Variants in GMDS observed in about 807,000 individuals in gnomAD.
GMDS encodes the protein GDP-mannose 4,6-dehydratase, also known as GDP-mannose 4,6 dehydratase.
A neutral mutation model predicts 49.9 loss-of-function variants in GMDS; 20 were observed. That is an observed-to-expected ratio of 0.40 (90% CI 0.28 to 0.58). The LOEUF (loss-of-function observed/expected upper bound fraction) is 0.58, where lower values mean the gene tolerates loss of function less well. GMDS is among the 20% of genes least tolerant of loss of function. The pLI, the probability that GMDS is intolerant of heterozygous loss-of-function variation, is 0.42. For missense variants in GMDS, 362 were observed against 481.4 expected, an observed-to-expected ratio of 0.75 and a Z score of 2.32; for synonymous variants, 177 against 178.6, an observed-to-expected ratio of 0.99 and a Z score of 0.07.
chr6:1,851,091 A>G (rs1205478838), intron 7 of GMDS, among the ~76,000 whole-genome samples: 1 of 152,228 alleles, frequency 6.6e-6, no homozygotes, highest in Non-Finnish European at 1.5e-5. Flanking sequence ...TACGAGGTTA[A>G]GGACTTTGAG....
intron 1 of GMDS, among the ~76,000 whole-genome samples, chr6:2,137,868 A>AT (rs1776088621): frequency 6.6e-6 from 1 of 152,190 alleles, no homozygotes; most frequent in South Asian, 2.1e-4. Flanking sequence ...TAGACTGGAT[A>AT]ATTTTAACTA....
chr6:1,641,302 CTA>C (rs1354154044), intron 9 of GMDS, among the ~76,000 whole-genome samples: 1 of 152,230 alleles, frequency 6.6e-6, no homozygotes, highest in Non-Finnish European at 1.5e-5. Context: ...CAGGGACAAT[CTA>C]TGTCACTGTC....
chr6:1,697,941 G>A (rs1301299239), intron 9 of GMDS, among the ~76,000 whole-genome samples: 1 of 152,206 alleles, frequency 6.6e-6, no homozygotes, highest in Non-Finnish European at 1.5e-5. Flanking sequence ...GGCTGCGGAC[G>A]ATCAAGGTTA....
chr6:1,685,589 G>A lies in GMDS; in HGVS notation c.987+40827C>T, dbSNP rs371530368. Among the ~76,000 whole-genome samples the A allele has an allele frequency of 3.7e-4, 57 of 152,204 alleles. No individual in the cohort carries two copies. In the South Asian group the frequency reaches 7.7e-3, roughly 21 times the overall value. On this transcript the variant is annotated intron_variant, in intron 9 of 10. Coordinates refer to ENST00000380815, the MANE Select transcript of GMDS (RefSeq NM_001500.4). ...TCATGCCAACAATGACTATGCCAGC[G>A]TTTGCAGATTTATGCCCATGGATTC...
At chr6:2,018,799 A>C (rs1310618977) in intron 4 of GMDS, among the ~76,000 whole-genome samples, 4 of 152,144 alleles carry the variant, frequency 2.6e-5, no homozygotes, top group African/African-American at 9.7e-5. Flanking sequence ...GTGAACATTC[A>C]TGTACAGGTT....
chr6:2,099,671 T>C (rs1157909491), intron 4 of GMDS, among the ~76,000 whole-genome samples: 1 of 152,118 alleles, frequency 6.6e-6, no homozygotes, highest in Non-Finnish European at 1.5e-5. Flanking sequence ...CATTTAACTT[T>C]AATTTATACT....
chr6:1,959,864 G>C lies in GMDS; in HGVS notation c.643+3C>G. 6 of 1,517,586 alleles carry C rather than the reference G, an allele frequency of 4.0e-6. No homozygotes were observed. Among genetic ancestry groups the C allele is most frequent in the Non-Finnish European group, 5.4e-6 (6 of 1,104,646 alleles). The allele number at this position is 1,517,586 out of a possible 1,614,324, so 94.0% of individuals were successfully genotyped here. A position where few individuals can be genotyped will look rare whatever the true frequency, so the allele number is the denominator to read the frequency against. On this transcript the variant is annotated splice_donor_region_variant and intron_variant, in intron 6 of 10. Coordinates refer to ENST00000380815, the MANE Select transcript of GMDS (RefSeq NM_001500.4). ...TCTCTTTTCAGTTAATATATTTACTGACCTCTTCTGGGACTCTCATGATTG... is the reference window on the plus strand; with the variant it reads ...TCTCTTTTCAGTTAATATATTTACTCACCTCTTCTGGGACTCTCATGATTG...
intron 1 of GMDS, among the ~76,000 whole-genome samples, chr6:2,224,638 G>A (rs1235292058): frequency 1.3e-5 from 2 of 151,996 alleles, no homozygotes; most frequent in Non-Finnish European, 2.9e-5. Flanking sequence ...TTATGTCTCA[G>A]AGAAAAAAAA....
intron 7 of GMDS, among the ~76,000 whole-genome samples, chr6:1,847,942 A>G (rs1312843398): frequency 6.6e-6 from 1 of 152,134 alleles, no homozygotes; most frequent in African/African-American, 2.4e-5. Flanking sequence ...GATATATGAA[A>G]GAGAAGTATA....
intron 1 of GMDS, among the ~76,000 whole-genome samples, chr6:2,170,099 A>G (rs543692634): frequency 1.3e-5 from 2 of 152,122 alleles, no homozygotes; most frequent in African/African-American, 2.4e-5. Context: ...GCTACTCGGG[A>G]GCCTGAGGCA....
intron 4 of GMDS, among the ~76,000 whole-genome samples, chr6:1,963,721 T>C (rs2127301813): frequency 6.6e-6 from 1 of 152,268 alleles, no homozygotes; most frequent in East Asian, 1.9e-4. Flanking sequence ...AAACAGTGCA[T>C]TGAGAAGGCC....
chr6:2,223,847 G>A (rs1780704313), intron 1 of GMDS, among the ~76,000 whole-genome samples: 2 of 152,198 alleles, frequency 1.3e-5, no homozygotes, highest in Admixed American at 1.3e-4. Flanking sequence ...ATCTGGACTG[G>A]AGACAAGGCT....
intron 9 of GMDS, among the ~76,000 whole-genome samples, chr6:1,708,725 GCCTCTGGGCCTGGCTGGCGTT>G (rs1765834998): frequency 6.6e-6 from 1 of 152,250 alleles, no homozygotes; most frequent in South Asian, 2.1e-4. Context: ...AGCGCCGGGG[GCCTCTGGGCCTGGCTGGCGTT>G]CCTCTGAGTA....
At chr6:1,951,347 C>T (rs2628445) in intron 6 of GMDS, among the ~76,000 whole-genome samples, 37,218 of 151,906 alleles carry the variant, frequency 0.25, 5,928 homozygotes, top group African/African-American at 0.46. Flanking sequence ...CTTAAAAATG[C>T]CAGATTCTTT....
chr6:1,719,658 C>T (rs1165426990), intron 9 of GMDS, among the ~76,000 whole-genome samples: 2 of 149,942 alleles, frequency 1.3e-5, no homozygotes, highest in African/African-American at 2.5e-5. Flanking sequence ...TTTAGATTTC[C>T]GAATACAGAG....
rs1762768761 is a variant in GMDS, at chr6:1,624,043, GC to G, written c.*125del. On this transcript the variant is annotated 3_prime_UTR_variant, in exon 11 of 11. Transcript: ENST00000380815. ...GCCCCGCTCTTGCGGCCGGGACAGCGCAGCGGCAGCAGGGGCCGCAGGGGAC... is the reference window on the plus strand; with the variant it reads ...GCCCCGCTCTTGCGGCCGGGACAGCGAGCGGCAGCAGGGGCCGCAGGGGAC... The G allele has an allele frequency of 1.3e-6, 1 of 798,472 alleles. No individual in the cohort carries two copies. Among genetic ancestry groups the G allele is most frequent in the African/African-American group, 1.7e-5 (1 of 58,816 alleles). The allele number at this position is 798,472 out of a possible 1,614,324, so 49.5% of individuals were successfully genotyped here. A position where few individuals can be genotyped will look rare whatever the true frequency, so the allele number is the denominator to read the frequency against.
chr6:1,624,690 G>GT (rs1762791077), intron 9 of GMDS, 150 bp from the exon 10 acceptor site: 1 of 624,946 alleles, frequency 1.6e-6, no homozygotes, highest in Admixed American at 2.9e-5. Context: ...TGCGCGTTCA[G>GT]TTGCGGCTCT....
intron 4 of GMDS, among the ~76,000 whole-genome samples, chr6:2,029,563 G>A (rs902815938): frequency 3.9e-5 from 6 of 152,144 alleles, no homozygotes; most frequent in Non-Finnish European, 4.4e-5. Flanking sequence ...CTGCAGTCCA[G>A]CCCAACCTCT....
chr6:2,013,992 G>C (rs1409598439), intron 4 of GMDS, among the ~76,000 whole-genome samples: 1 of 141,632 alleles, frequency 7.1e-6, no homozygotes, highest in Non-Finnish European at 1.5e-5. Flanking sequence ...CAAAGAGAAA[G>C]AGAGTATTTT....
Sources: gnomAD v4.1 joint callset for allele counts (sites outside exome capture counted in the v4.1 genomes callset) on GRCh38, gnomAD v4.1.1 for gene constraint, MANE v1.5 for transcripts, NCBI Gene and HGNC (gene_info 2026-07-23, HGNC 2026-07-21) for gene names.